The following ATG7 variants were observed in gnomAD, a reference collection of about 807,000 sequenced individuals.
ATG7 encodes the protein autophagy related 7.
Under a neutral mutation model 82.4 loss-of-function variants are expected in ATG7, and 70 were observed. The ratio of observed to expected loss-of-function variants is 0.85; its 90% CI spans 0.70 to 1.04. ATG7 has a LOEUF of 1.04. ATG7 is among the 50% of genes least tolerant of loss of function. The pLI is 0.00. For missense variants in ATG7, 792 were observed against 864.3 expected (o/e 0.92, Z 1.05); for synonymous variants, 287 against 313.0 (o/e 0.92, Z 0.88).
intron 19 of ATG7, among the ~76,000 whole-genome samples, chr3:11,399,080 G>T (rs1181361057): frequency 1.3e-5 from 2 of 152,214 alleles, no homozygotes; most frequent in Non-Finnish European, 2.9e-5. Flanking sequence ...GGGCGCAGTG[G>T]CTCACGCCTG....
intron 20 of ATG7, among the ~76,000 whole-genome samples, chr3:11,543,106 G>A (rs2070969716): frequency 6.6e-6 from 1 of 151,836 alleles, no homozygotes; most frequent in Non-Finnish European, 1.5e-5. Flanking sequence ...CACGGTGCAG[G>A]AGCAGCCCCA....
At chr3:11,272,659 T>C (rs1940711848) in intron 1 of ATG7, 1 of 152,302 alleles carries the variant, frequency 6.6e-6, no homozygotes, top group Admixed American at 6.5e-5. Context: ...CGGGGTCTTC[T>C]GACTTGGAAG....
At chr3:11,385,981 A>G (rs7632040) in intron 19 of ATG7, among the ~76,000 whole-genome samples, 77,786 of 152,062 alleles carry the variant, frequency 0.51, 20,774 homozygotes, top group East Asian at 0.68. Flanking sequence ...TGAATTTTAC[A>G]ATAACATGTA....
At chr3:11,395,965 A>AAAAAAGGG in intron 19 of ATG7, among the ~76,000 whole-genome samples, 1 of 78,084 alleles carries the variant, frequency 1.3e-5, no homozygotes, top group Non-Finnish European at 2.3e-5. Context: ...AAAAAAAAAA[A>AAAAAAGGG]GGTAGGGGGG....
At chr3:11,491,951 A>C (rs556726603) in intron 20 of ATG7, among the ~76,000 whole-genome samples, 1 of 152,316 alleles carries the variant, frequency 6.6e-6, no homozygotes, top group East Asian at 1.9e-4. Context: ...TGGAGCCTAC[A>C]GAGGCAGGTA....
At chr3:11,457,447 A>T (rs1304888091) in intron 20 of ATG7, among the ~76,000 whole-genome samples, 2 of 152,136 alleles carry the variant, frequency 1.3e-5, no homozygotes, top group African/African-American at 4.8e-5. Flanking sequence ...GTGAAAGATA[A>T]CTGGAGTCTC....
At chr3:11,285,524 A>G (rs957413943) in intron 3 of ATG7, among the ~76,000 whole-genome samples, 1 of 152,030 alleles carries the variant, frequency 6.6e-6, no homozygotes, top group Non-Finnish European at 1.5e-5. Flanking sequence ...ACTGATAGCA[A>G]ATGTTTAGCT....
intron 19 of ATG7, among the ~76,000 whole-genome samples, chr3:11,388,324 C>T (rs2078473475): frequency 6.6e-6 from 1 of 152,108 alleles, no homozygotes; most frequent in African/African-American, 2.4e-5. Flanking sequence ...GAGGACGGTA[C>T]TAACTCTCCT....
At chr3:11,440,363 C>A (rs1226052581) in intron 20 of ATG7, among the ~76,000 whole-genome samples, 1 of 115,816 alleles carries the variant, frequency 8.6e-6, no homozygotes, top group Non-Finnish European at 1.6e-5. Context: ...CTCGCTCTGT[C>A]GCCCAGGCTG....
intron 19 of ATG7, among the ~76,000 whole-genome samples, chr3:11,392,110 G>A (rs1275319839): frequency 1.3e-5 from 2 of 152,184 alleles, no homozygotes; most frequent in Non-Finnish European, 2.9e-5. Context: ...TCAGACTGTA[G>A]CATCTTGAAA....
intron 20 of ATG7, among the ~76,000 whole-genome samples, chr3:11,434,076 A>T (rs905198046): frequency 6.6e-6 from 1 of 152,236 alleles, no homozygotes; most frequent in Admixed American, 6.5e-5. Context: ...ACAGCAATTT[A>T]CTATTCAGCA....
chr3:11,361,182 TC>T (rs1396059039), intron 16 of ATG7, among the ~76,000 whole-genome samples: 1 of 152,160 alleles, frequency 6.6e-6, no homozygotes, highest in African/African-American at 2.4e-5. Flanking sequence ...TCTCTTAGGT[TC>T]CCTCTACCTT....
At position 11,341,140 on chromosome 3, in the gene ATG7, C is replaced by T. The variant is rs554337155; in HGVS notation, c.980+405C>T. Among the ~76,000 whole-genome samples the T allele has an allele frequency of 9.2e-5, 14 of 151,574 alleles. No individual in the cohort carries two copies. The East Asian group carries it at 2.8e-3, about 30-fold the overall frequency. On this transcript the variant is annotated intron_variant, in intron 12 of 20. Transcript: ENST00000693202. ...ACAATGGCGCAATCTCTGCTCACTG[C>T]AACCTCTGCCTCCTGGGTTCAAGTG... is the stretch of plus-strand genomic sequence containing the variant.
At chr3:11,573,316 GAAGA>G in the ATG7 span, among the ~76,000 whole-genome samples, 172 of 20,716 alleles carry the variant, frequency 8.3e-3, 4 homozygotes, top group Middle Eastern at 0.018. Context: ...AGGAAGGAAG[GAAGA>G]AAGAAAGAAA....
At chr3:11,492,865 G>A (rs1335369296) in intron 20 of ATG7, among the ~76,000 whole-genome samples, 7 of 152,344 alleles carry the variant, frequency 4.6e-5, no homozygotes, top group South Asian at 2.1e-4. Flanking sequence ...CAGACCCCAC[G>A]GCAGTGTCCA....
intron 20 of ATG7, among the ~76,000 whole-genome samples, chr3:11,470,089 T>G (rs2087316152): frequency 6.6e-6 from 1 of 151,554 alleles, no homozygotes; most frequent in South Asian, 2.1e-4. Flanking sequence ...TACAACGAAA[T>G]TCAGTTAACT....
At chr3:11,569,827 GC>G in the ATG7 span, among the ~76,000 whole-genome samples, 1 of 152,176 alleles carries the variant, frequency 6.6e-6, no homozygotes, top group Non-Finnish European at 1.5e-5. Context: ...GCTACAGTGA[GC>G]CATGGTCACG....
intron 20 of ATG7, among the ~76,000 whole-genome samples, chr3:11,484,417 A>C (rs538395213): frequency 1.8e-4 from 27 of 151,856 alleles, no homozygotes; most frequent in Non-Finnish European, 3.5e-4. Context: ...AACAAACAAA[A>C]AAACCACAAA....
chr3:11,360,321 C>G (rs2076208810), intron 15 of ATG7, among the ~76,000 whole-genome samples: 1 of 152,152 alleles, frequency 6.6e-6, no homozygotes, highest in Non-Finnish European at 1.5e-5. Context: ...GCTGGGATTA[C>G]AGGTTATGAG....
Sources: gnomAD v4.1 joint callset for allele counts (sites outside exome capture counted in the v4.1 genomes callset) on GRCh38, gnomAD v4.1.1 for gene constraint, MANE v1.5 for transcripts, NCBI Gene and HGNC (gene_info 2026-07-23, HGNC 2026-07-21) for gene names.